The following SDK2 variants were observed in gnomAD, a reference collection of about 807,000 sequenced individuals.
SDK2 encodes protein sidekick-2.
A neutral mutation model predicts 253.9 loss-of-function variants in SDK2; 105 were observed. The ratio of observed to expected loss-of-function variants is 0.41; its 90% CI spans 0.35 to 0.49. The LOEUF (loss-of-function observed/expected upper bound fraction) is 0.49. Ranked by LOEUF, SDK2 falls within the 20% of genes least tolerant of loss-of-function variation. SDK2 has a pLI of 0.06. For missense variants in SDK2, 2,608 were observed against 3,003.0 expected, an observed-to-expected ratio of 0.87 and a Z score of 3.07; for synonymous variants, 1,249 against 1,234.9, an observed-to-expected ratio of 1.01 and a Z score of -0.24.
Position 73,643,594 on chromosome 17 carries a change from T to C in SDK2, c.64+431A>G, listed in dbSNP as rs1200536254. ...CCCTCGCCCCGGGGAGGCCATCGCC[T>C]GCCCGGCAGGGGCCCTGCCCTTCCC... On this transcript the variant is annotated intron_variant, in intron 1 of 44. Coordinates refer to ENST00000392650, the MANE Select transcript of SDK2 (RefSeq NM_001144952.2). The surrounding 1 kb of genome is among the most constrained non-coding windows in gnomAD (Gnocchi z 6.9). 6.6e-6 allele frequency among the ~76,000 whole-genome samples: 1 copy of C among 151,882 alleles called. No individual in the cohort carries two copies. The highest frequency in any genetic ancestry group is 1.5e-5 in the Non-Finnish European group (1 of 67,918).
In SDK2 at chr17:73,395,137, G is replaced by T; in HGVS notation, c.3592+18C>A. The T allele has an allele frequency of 6.4e-7, 1 of 1,559,646 alleles. No homozygotes were observed. ...GAGGGGACAGGCAGCAGGGTGGCTG[G>T]GTGTGAGGGGTTGGTACCTGACTCC... On this transcript the variant is annotated intron_variant, in intron 25 of 44. Transcript: ENST00000392650. The surrounding 1 kb of genome is among the most constrained non-coding windows in gnomAD (Gnocchi z 4.3).
intron 1 of SDK2, among the ~76,000 whole-genome samples, chr17:73,626,011 G>A (rs564939276): frequency 2.6e-5 from 4 of 152,178 alleles, no homozygotes; most frequent in African/African-American, 4.8e-5. Flanking sequence ...TAGAGAACAC[G>A]TCAGGGCTAT....
intron 1 of SDK2, among the ~76,000 whole-genome samples, chr17:73,594,044 A>C (rs983165889): frequency 2.1e-4 from 32 of 152,314 alleles, no homozygotes; most frequent in African/African-American, 7.0e-4. Context: ...ACAGCAATAA[A>C]TATGTCTGGA....
rs764294571 is a variant in SDK2 at position 73,352,536 on chromosome 17, G to A, written c.5695C>T (p.Arg1899Trp). 1.2e-6 allele frequency: 2 copies of A among 1,614,030 alleles called. No homozygotes were observed. The highest frequency in any genetic ancestry group is 2.2e-5 in the East Asian group (1 of 44,884). ...ILKPGVSYDF[R>W]VIAVNDYGFG... is the part of the protein sequence containing the mutation. ...CCATAGTCGTTGACCGCGATGACCC[G>A]GAAGTCATAGCTCACGCCCGGCTTC... Residue 1899 changes from arginine to tryptophan, a missense_variant, in exon 41 of 45, where the codon CGG (arginine) becomes TGG (tryptophan). By Grantham distance (101) the Arg-to-Trp change is moderately radical. This residue lies in a region of SDK2 where 1,103 missense variants were observed against 1,143.9 expected (regional missense o/e 0.96). Coordinates refer to ENST00000392650, the MANE Select transcript of SDK2 (RefSeq NM_001144952.2). The surrounding 1 kb of genome is among the most constrained non-coding windows in gnomAD (Gnocchi z 4.1).
In SDK2 at chr17:73,642,866, A is replaced by G. The variant is rs2046415040; in HGVS notation, c.64+1159T>C. Reference sequence around the variant, plus strand: ...AGAGCTGATTATTTTCATCTCTTTGATCTTGGCTCTCTGGATTGCCTGGCG... The same window carrying G: ...AGAGCTGATTATTTTCATCTCTTTGGTCTTGGCTCTCTGGATTGCCTGGCG... On this transcript the variant is annotated intron_variant, in intron 1 of 44. Coordinates refer to ENST00000392650, the MANE Select transcript of SDK2 (RefSeq NM_001144952.2). The surrounding 1 kb of genome is among the most constrained non-coding windows in gnomAD (Gnocchi z 4.7). Among the ~76,000 whole-genome samples the G allele has an allele frequency of 6.6e-6, 1 of 151,946 alleles. No homozygotes were observed. The highest frequency in any genetic ancestry group is 2.1e-4 in the South Asian group (1 of 4,802).
chr17:73,366,419 AG>A (rs984645864), intron 37 of SDK2, among the ~76,000 whole-genome samples: 1 of 152,074 alleles, frequency 6.6e-6, no homozygotes, highest in African/African-American at 2.4e-5. Flanking sequence ...GGGGTAGTGG[AG>A]GGAAAGGGTT....
At chr17:73,533,509 G>A (rs1046867036) in intron 1 of SDK2, among the ~76,000 whole-genome samples, 3 of 152,192 alleles carry the variant, frequency 2.0e-5, no homozygotes, top group African/African-American at 7.2e-5. Flanking sequence ...GGCCCTCTAG[G>A]GGAAACGCCT....
At chr17:73,391,643 C>T (rs887644675) in intron 27 of SDK2, 105 bp from the exon 28 acceptor site, 11 of 462,394 alleles carry the variant, frequency 2.4e-5, no homozygotes, top group East Asian at 2.1e-4. Flanking sequence ...GGGAAGGGGC[C>T]GCCCAGCTCA....
At chr17:73,394,396 A>C in intron 25 of SDK2, 72 bp from the exon 26 acceptor site, 1 of 991,782 alleles carries the variant, frequency 1.0e-6, no homozygotes, top group Middle Eastern at 3.2e-4. Context: ...GTGGACCAGG[A>C]CAGGGGGCCG....
In SDK2 at chr17:73,350,680, T is replaced by C; in HGVS notation, c.5869A>G (p.Ser1957Gly). 6 of 1,613,236 alleles carry C rather than the reference T, an allele frequency of 3.7e-6. No individual in the cohort carries two copies. Among genetic ancestry groups the C allele is most frequent in the Non-Finnish European group, 4.2e-6 (5 of 1,179,630 alleles). Residue 1957 changes from serine (S) to glycine (G), a missense_variant, in exon 42 of 45, where the codon AGC becomes GGC. By Grantham distance (56) the Ser-to-Gly change is moderately conservative (BLOSUM62 0). Coordinates refer to ENST00000392650, the MANE Select transcript of SDK2 (RefSeq NM_001144952.2). ...LVFVLIIRGQ[S>G]KKYAKKTDSG... ...TCTGTCTTCTTGGCGTACTTCTTGCTCTGGCCCCGGATGATGAGCACGAAG... is the reference window on the plus strand; with the variant it reads ...TCTGTCTTCTTGGCGTACTTCTTGCCCTGGCCCCGGATGATGAGCACGAAG...
At chr17:73,555,826 T>C (rs1271755508) in intron 1 of SDK2, among the ~76,000 whole-genome samples, 1 of 152,194 alleles carries the variant, frequency 6.6e-6, no homozygotes, top group African/African-American at 2.4e-5. Context: ...AACACGGGAC[T>C]GAAATGCTGC....
chr17:73,566,873 A>T (rs539549540), intron 1 of SDK2, among the ~76,000 whole-genome samples: 48 of 137,510 alleles, frequency 3.5e-4, no homozygotes, highest in African/African-American at 4.7e-4. Flanking sequence ...ACTTATAATT[A>T]AAAAAAAAAA....
chr17:73,457,515 T>C (rs553703388), intron 3 of SDK2, among the ~76,000 whole-genome samples: 11 of 151,224 alleles, frequency 7.3e-5, no homozygotes, highest in Non-Finnish European at 1.3e-4. Flanking sequence ...CACGCCCAGC[T>C]AATTTTTGTA....
intron 4 of SDK2, among the ~76,000 whole-genome samples, chr17:73,448,765 A>T (rs12937331): frequency 0.019 from 2,861 of 150,674 alleles, 90 homozygotes; most frequent in African/African-American, 0.066. Context: ...GGTTCAAGTG[A>T]TTTTCCTGCC....
chr17:73,566,319 A>ATGTGTGTGTGTGTG (rs55940592), intron 1 of SDK2, among the ~76,000 whole-genome samples: 38 of 139,300 alleles, frequency 2.7e-4, no homozygotes, highest in African/African-American at 5.8e-4. Context: ...TTATATATAT[A>ATGTGTGTGTGTGTG]TGTGTGTGTG....
chr17:73,420,099 C>T (rs183580563), intron 15 of SDK2, among the ~76,000 whole-genome samples: 4 of 152,102 alleles, frequency 2.6e-5, no homozygotes, highest in Non-Finnish European at 5.9e-5. Context: ...AGGAGCAGGG[C>T]GGGCATGGCG....
intron 2 of SDK2, among the ~76,000 whole-genome samples, chr17:73,498,206 C>T (rs1280592253): frequency 1.3e-5 from 2 of 152,214 alleles, no homozygotes; most frequent in Non-Finnish European, 2.9e-5. Flanking sequence ...GGGATGCTGG[C>T]GTCTCCTGAC....
At position 73,455,916 on chromosome 17, in the gene SDK2, TG is replaced by T; in HGVS notation, c.468del (p.Ser157AlafsTer4). 6.5e-7 allele frequency: 1 copy of T among 1,543,504 alleles called. No homozygotes were observed. Among genetic ancestry groups the T allele is most frequent in the Non-Finnish European group, 8.7e-7 (1 of 1,146,254 alleles). On this transcript the variant is annotated frameshift_variant, in exon 4 of 45. Coordinates refer to ENST00000392650, the MANE Select transcript of SDK2 (RefSeq NM_001144952.2). LOFTEE classifies it high-confidence loss of function. This position sits in a 1 kb window ranked among gnomAD's most constrained non-coding sequence, Gnocchi z 5.0. ...GAGCGATGCACTCACATGCGGCTGC[TG>T]GGCGGGATCTTGCGGCCGTCCCGGA... ...TWFRDGRKIP[P>X]SSRIAITLEN...
chr17:73,355,174 A>ATATATATATATATATTTTTTTTT, intron 40 of SDK2, among the ~76,000 whole-genome samples: 29 of 47,222 alleles, frequency 6.1e-4, no homozygotes, highest in South Asian at 1.8e-3. Flanking sequence ...ATATATATAT[A>ATATATATATATATATTTTTTTTT]TTTTTTTTTT....
Sources: allele counts gnomAD v4.1 joint callset (sites outside exome capture counted in the v4.1 genomes callset), GRCh38; gene constraint gnomAD v4.1.1; regional missense constraint gnomAD v4.1.1; non-coding constraint Gnocchi (gnomAD v3.1); transcripts MANE v1.5; gene names NCBI Gene and HGNC (gene_info 2026-07-23, HGNC 2026-07-21).